GCSAML: variants seen among roughly 807,000 people sequenced by gnomAD.
GCSAML encodes the protein germinal center associated signaling and motility like, also known as germinal center-associated signaling and motility-like protein.
Under a neutral mutation model 13.0 loss-of-function variants are expected in GCSAML, and 9 were observed. The ratio of observed to expected loss-of-function variants is 0.69; its 90% CI spans 0.42 to 1.21. GCSAML has a LOEUF of 1.21. GCSAML is among the 50% of genes most tolerant of loss of function. The pLI is 0.00. For synonymous variants in GCSAML, 37 were observed against 52.9 expected, an observed-to-expected ratio of 0.70 and a Z score of 1.31; for missense variants, 143 against 153.4, an observed-to-expected ratio of 0.93 and a Z score of 0.36.
intron 1 of GCSAML, chr1:247,525,791 A>C (rs780084235): frequency 1.3e-5 from 2 of 152,184 alleles, no homozygotes; most frequent in Non-Finnish European, 2.9e-5. Flanking sequence ...GACTATCTTA[A>C]TTCTCTAATT....
chr1:247,544,686 C>CA (rs200446062), upstream of GCSAML, among the ~76,000 whole-genome samples: 18 of 150,978 alleles, frequency 1.2e-4, no homozygotes, highest in African/African-American at 3.4e-4. Flanking sequence ...CTGTCTCTAC[C>CA]AAAAAAAACA....
At chr1:247,511,275 C>A (rs1666026529) in intron 1 of GCSAML, among the ~76,000 whole-genome samples, 1 of 151,932 alleles carries the variant, frequency 6.6e-6, no homozygotes, top group Non-Finnish European at 1.5e-5. Flanking sequence ...TTATGTAATG[C>A]CCTTGTCTTT....
intron 1 of GCSAML, among the ~76,000 whole-genome samples, chr1:247,521,704 C>A (rs945952268): frequency 6.6e-6 from 1 of 152,178 alleles, no homozygotes; most frequent in Non-Finnish European, 1.5e-5. Flanking sequence ...CAGGCTGGAG[C>A]GCAGTGGCAT....
intron 4 of GCSAML, among the ~76,000 whole-genome samples, chr1:247,566,179 A>G (rs976388368): frequency 2.0e-5 from 3 of 152,154 alleles, no homozygotes; most frequent in African/African-American, 7.2e-5. Flanking sequence ...AAGTATTTCA[A>G]CTGATCGAGA....
At chr1:247,521,633 C>T (rs979820013) in intron 1 of GCSAML, among the ~76,000 whole-genome samples, 10 of 152,352 alleles carry the variant, frequency 6.6e-5, no homozygotes, top group South Asian at 4.1e-4. Context: ...CTGCCAGCCT[C>T]GGCCTCCTGA....
chr1:247,541,419 G>A (rs757239800), intron 2 of GCSAML, among the ~76,000 whole-genome samples: 7 of 152,146 alleles, frequency 4.6e-5, no homozygotes, highest in Non-Finnish European at 8.8e-5. Context: ...ATTATATGTC[G>A]GTATTTTCCG....
chr1:247,545,642 TC>T (rs1183616364), upstream of GCSAML, among the ~76,000 whole-genome samples: 1 of 152,228 alleles, frequency 6.6e-6, no homozygotes, highest in Non-Finnish European at 1.5e-5. Context: ...ATGTTGAGTA[TC>T]TTTTCAAAGA....
intron 2 of GCSAML, chr1:247,538,719 G>A (rs1335862669): frequency 8.8e-6 from 4 of 456,068 alleles, no homozygotes; most frequent in Non-Finnish European, 1.3e-5. Context: ...AGATGGCTGC[G>A]AGCTGGAAGG....
chr1:247,531,919 A>C, intron 2 of GCSAML: 2 of 1,614,154 alleles, frequency 1.2e-6, no homozygotes, highest in Non-Finnish European at 1.7e-6. Context: ...GTACATCTCC[A>C]TCTCATTGAG....
intron 1 of GCSAML, among the ~76,000 whole-genome samples, chr1:247,555,587 G>A (rs1667919266): frequency 6.6e-6 from 1 of 152,166 alleles, no homozygotes. Context: ...CTCAGCGTTG[G>A]TTCGAAATGC....
At chr1:247,518,191 C>T (rs994124464) in intron 1 of GCSAML, among the ~76,000 whole-genome samples, 2 of 152,220 alleles carry the variant, frequency 1.3e-5, no homozygotes, top group Non-Finnish European at 2.9e-5. Flanking sequence ...GCGCCGGCTC[C>T]GGGAGCTGCC....
At position 247,552,738 on chromosome 1, in the gene GCSAML, A is replaced by G. The variant is rs1478494429; in HGVS notation, c.29+3518A>G. ...TAGAGATCTATTTGCAAATTCTTCT[A>G]TGTTTATGCAGATGTACTATATGTA... On this transcript the variant is annotated intron_variant, in intron 1 of 4. Transcript: ENST00000366488. Among the ~76,000 whole-genome samples the G allele has an allele frequency of 2.0e-5, 3 of 152,180 alleles. No individual in the cohort carries two copies. In the East Asian group the frequency reaches 5.8e-4, roughly 29 times the overall value.
chr1:247,562,535 G>C (rs943970851), intron 2 of GCSAML, among the ~76,000 whole-genome samples: 2 of 152,166 alleles, frequency 1.3e-5, no homozygotes, highest in Non-Finnish European at 2.9e-5. Flanking sequence ...GCAAAATCCA[G>C]GCAGTGATTG....
chr1:247,526,978 A>G lies in GCSAML; in HGVS notation c.-224A>G, dbSNP rs1261796458. On this transcript the variant is annotated 5_prime_UTR_variant, in exon 2 of 6. Coordinates refer to the GCSAML transcript ENST00000366489. The surrounding 1 kb of genome is among the most constrained non-coding windows in gnomAD (Gnocchi z 4.8). ...AAGATGGTTATGTTGGAGGATTCCA[A>G]TAGTTCTACTGGATGTGGAGCCAGA... 3 of 456,616 alleles carry G rather than the reference A, an allele frequency of 6.6e-6. No homozygotes were observed. The highest frequency in any genetic ancestry group is 6.9e-5 in the East Asian group (1 of 14,414). The allele number at this position is 456,616 out of a possible 1,614,324, so 28.3% of individuals were successfully genotyped here.
At chr1:247,550,058 A>G (rs896062438) in intron 1 of GCSAML, among the ~76,000 whole-genome samples, 10 of 152,184 alleles carry the variant, frequency 6.6e-5, no homozygotes, top group Admixed American at 6.5e-4. Flanking sequence ...ACCTAACGCT[A>G]ATAGACGGAG....
At chr1:247,520,450 C>A (rs146464360) in intron 1 of GCSAML, among the ~76,000 whole-genome samples, 49 of 152,226 alleles carry the variant, frequency 3.2e-4, no homozygotes, top group African/African-American at 1.1e-3. Flanking sequence ...GAGTCTCCAG[C>A]CTACCCTGAA....
chr1:247,565,790 G>A (rs896682485), intron 3 of GCSAML, 141 bp from the exon 4 acceptor site: 2 of 641,698 alleles, frequency 3.1e-6, no homozygotes, highest in Non-Finnish European at 5.4e-6. Context: ...GCAATGTCAT[G>A]TCAGATGTTT....
At chr1:247,532,652 C>G (rs1326981165) in intron 2 of GCSAML, 5 of 856,394 alleles carry the variant, frequency 5.8e-6, no homozygotes, top group Non-Finnish European at 8.8e-6. Context: ...TTTAGAGACA[C>G]AATTTCACTG....
At chr1:247,521,350 C>A in intron 1 of GCSAML, among the ~76,000 whole-genome samples, 1 of 104,014 alleles carries the variant, frequency 9.6e-6, no homozygotes, top group African/African-American at 3.4e-5. Context: ...TCCACGGTCT[C>A]CCTCTCCCTC....
Sources: allele counts gnomAD v4.1 joint callset (sites outside exome capture counted in the v4.1 genomes callset), GRCh38; gene constraint gnomAD v4.1.1; non-coding constraint Gnocchi (gnomAD v3.1); transcripts MANE v1.5; gene names NCBI Gene and HGNC (gene_info 2026-07-23, HGNC 2026-07-21).